Variants in DBH observed in about 807,000 individuals in gnomAD.
The protein encoded by DBH is dopamine beta-hydroxylase, also known as dopamine beta-hydroxylase (dopamine beta-monooxygenase).
A neutral mutation model predicts 64.0 loss-of-function variants in DBH; 49 were observed. The observed-to-expected ratio is 0.77, with a 90% CI of 0.61 to 0.97. The LOEUF (loss-of-function observed/expected upper bound fraction) is 0.97, where lower values mean the gene tolerates loss of function less well. DBH is among the 50% of genes least tolerant of loss of function. DBH has a pLI of 0.00. For synonymous variants in DBH, 343 were observed against 347.1 expected (o/e 0.99, Z 0.13); for missense variants, 828 against 826.6 (o/e 1.00, Z -0.02).
At position 133,647,949 on chromosome 9, in the gene DBH, C is replaced by T. The variant is rs763415382; in HGVS notation, c.1128C>T (p.Ala376=). The change falls in exon 6 of 12, where the codon GCC becomes GCT. Residue 376 remains alanine, a synonymous_variant. Transcript: ENST00000393056. Reference sequence around the variant, plus strand: ...GACTGGTGTACACGCCAGTGATGGCCATTCCACCACGGGAGACCGCCTTCA... The same window carrying T: ...GACTGGTGTACACGCCAGTGATGGCTATTCCACCACGGGAGACCGCCTTCA... ...ELGLVYTPVM[A]IPPRETAFIL... The T allele has an allele frequency of 6.2e-7, 1 of 1,614,080 alleles. No individual in the cohort carries two copies. Among genetic ancestry groups the T allele is most frequent in the East Asian group, 2.2e-5 (1 of 44,884 alleles).
intron 9 of DBH, among the ~76,000 whole-genome samples, chr9:133,653,674 G>A (rs1443506119): frequency 6.6e-6 from 1 of 152,128 alleles, no homozygotes; most frequent in African/African-American, 2.4e-5. Context: ...AGCGTCAGCT[G>A]AGGATGCATT....
At chr9:133,651,600 C>T in intron 6 of DBH, 34 bp from the exon 7 acceptor site, 1 of 1,612,176 alleles carries the variant, frequency 6.2e-7, no homozygotes, top group Non-Finnish European at 8.5e-7. Context: ...CCTCGGGGGT[C>T]AGGCCCTGAC....
intron 1 of DBH, among the ~76,000 whole-genome samples, chr9:133,639,413 G>A (rs1402970231): frequency 1.3e-5 from 2 of 152,006 alleles, no homozygotes; most frequent in African/African-American, 4.8e-5. Flanking sequence ...CCTTTCTGAG[G>A]CTCCGCAACT....
At chr9:133,638,228 G>A (rs1832075305) in intron 1 of DBH, among the ~76,000 whole-genome samples, 1 of 152,208 alleles carries the variant, frequency 6.6e-6, no homozygotes, top group South Asian at 2.1e-4. Context: ...ATATCTTCTT[G>A]ATTTCCAGCT....
chr9:133,643,568 C>T lies in DBH; in HGVS notation c.900C>T (p.Ala300=), dbSNP rs1306596797. The part of the protein sequence containing the change: ...DRLNYCRHVL[A]AWALGAKAFY... The stretch of plus-strand genomic sequence containing the variant: ...TCAACTACTGCCGCCACGTGCTGGC[C>T]GCCTGGGCCCTGGGTGCCAAGGTGC... Residue 300 remains alanine (A), a synonymous_variant, in exon 4 of 12, where the codon GCC becomes GCT. Transcript: ENST00000393056. This position sits in a 1 kb window ranked among gnomAD's most constrained non-coding sequence, Gnocchi z 5.3. The T allele has an allele frequency of 1.5e-5, 24 of 1,613,324 alleles. No individual in the cohort carries two copies. The highest frequency in any genetic ancestry group is 4.5e-5 in the East Asian group (2 of 44,844).
chr9:133,641,046 T>G (rs1313157871), intron 2 of DBH, among the ~76,000 whole-genome samples: 2 of 151,984 alleles, frequency 1.3e-5, no homozygotes, highest in African/African-American at 2.4e-5. Flanking sequence ...TGGCTAAGGA[T>G]ATGGGCTTGG....
intron 5 of DBH, 134 bp downstream of exon 5, chr9:133,644,454 G>C (rs1173435191): frequency 1.3e-6 from 1 of 768,110 alleles, no homozygotes; most frequent in Non-Finnish European, 2.3e-6. Context: ...AGGCCCTTGC[G>C]TCTGCCTCAT....
At chr9:133,639,409 T>A (rs1330659158) in intron 1 of DBH, among the ~76,000 whole-genome samples, 1 of 152,140 alleles carries the variant, frequency 6.6e-6, no homozygotes, top group Non-Finnish European at 1.5e-5. Context: ...CTCCCCTTTC[T>A]GAGGCTCCGC....
Position 133,643,207 on chromosome 9 carries a change from T to C in DBH, c.745-206T>C, listed in dbSNP as rs1832138245. Among the ~76,000 whole-genome samples the C allele has an allele frequency of 7.0e-6, 1 of 143,856 alleles. No homozygotes were observed. The highest frequency in any genetic ancestry group is 2.6e-5 in the African/African-American group (1 of 38,710). The allele number at this position is 143,856 out of a possible 152,430, so 94.4% of individuals were successfully genotyped here. ...CTGCCTTGGCCTGTACGAACCTCAT[T>C]TCCTTCACTCTGGAGCTGCCTACGG... is the stretch of plus-strand genomic sequence containing the variant. On this transcript the variant is annotated intron_variant, in intron 3 of 11. Coordinates refer to ENST00000393056, the MANE Select transcript of DBH (RefSeq NM_000787.4). This position sits in a 1 kb window ranked among gnomAD's most constrained non-coding sequence, Gnocchi z 5.3.
At chr9:133,640,335 G>T (rs1206965322) in intron 2 of DBH, among the ~76,000 whole-genome samples, 2 of 152,218 alleles carry the variant, frequency 1.3e-5, no homozygotes, top group East Asian at 1.9e-4. Flanking sequence ...TTAACCATCA[G>T]GTGGGATTCT....
intron 9 of DBH, among the ~76,000 whole-genome samples, chr9:133,654,072 G>C (rs1427654346): frequency 6.6e-6 from 1 of 151,960 alleles, no homozygotes; most frequent in South Asian, 2.1e-4. Flanking sequence ...TTCACCTGAT[G>C]TTTACTGAGC....
chr9:133,638,621 G>A (rs980990108), intron 1 of DBH, among the ~76,000 whole-genome samples: 3 of 152,164 alleles, frequency 2.0e-5, no homozygotes, highest in African/African-American at 4.8e-5. Flanking sequence ...TGGGGTGTGA[G>A]AGTCAGGTGG....
At position 133,651,463 on chromosome 9, in the gene DBH, G is replaced by A. The variant is rs551670979; in HGVS notation, c.1192-171G>A. On this transcript the variant is annotated intron_variant, in intron 6 of 11. Coordinates refer to ENST00000393056, the MANE Select transcript of DBH (RefSeq NM_000787.4). ...TGTTGCGGCCCCCTCGCTCTTCCCC[G>A]TGAGGTTTCTGATGGTGGCTCTAAC... 3.9e-5 allele frequency among the ~76,000 whole-genome samples: 6 copies of A among 152,352 alleles called. No homozygotes were observed. In the East Asian group the frequency reaches 9.7e-4, roughly 25 times the overall value.
intron 5 of DBH, among the ~76,000 whole-genome samples, chr9:133,646,322 CCCGCCATGT>C (rs11278217): frequency 0.55 from 83,217 of 151,092 alleles, 23,931 homozygotes; most frequent in African/African-American, 0.66. Flanking sequence ...TCCAGACCAC[CCCGCCATGT>C]CCGCCATGTC....
In DBH at chr9:133,657,435, A is replaced by AG; in HGVS notation, c.1722+207dup. ...AGAGAGGAGAGAGAGGAGAGAGAGG[A>AG]GAGAGAGGAGAGAGAGGAGAGAGGG... On this transcript the variant is annotated intron_variant, in intron 11 of 11. Transcript: ENST00000393056. 9 of 383,398 alleles carry AG rather than the reference A, an allele frequency of 2.3e-5. 2 individuals are homozygous for AG. Among genetic ancestry groups the AG allele is most frequent in the South Asian group, 4.9e-5 (2 of 40,476 alleles). The allele number at this position is 383,398 out of a possible 1,614,324, so 23.7% of individuals were successfully genotyped here.
At chr9:133,641,769 T>G (rs1454261220) in intron 2 of DBH, among the ~76,000 whole-genome samples, 7 of 152,162 alleles carry the variant, frequency 4.6e-5, no homozygotes. Context: ...AGCGTGACCA[T>G]CAGCAAGCCC....
chr9:133,637,892 GAC>G (rs1329634589), intron 1 of DBH, among the ~76,000 whole-genome samples: 1 of 152,202 alleles, frequency 6.6e-6, no homozygotes, highest in Non-Finnish European at 1.5e-5. Context: ...TGTGCACAAA[GAC>G]ACTCTGTGGC....
chr9:133,657,517 AGG>A (rs1832350630), intron 11 of DBH, among the ~76,000 whole-genome samples: 2 of 150,062 alleles, frequency 1.3e-5, no homozygotes, highest in African/African-American at 2.5e-5. Context: ...AGAGAGAGAG[AGG>A]GAGAGAGAGA....
In DBH at chr9:133,652,919, G is replaced by T. The variant is rs1219502105; in HGVS notation, c.1375-21G>T. On this transcript the variant is annotated intron_variant, in intron 8 of 11. Coordinates refer to ENST00000393056, the MANE Select transcript of DBH (RefSeq NM_000787.4). ...CAACGCCAGGTGGCAGGTGCTGATG[G>T]TCACATTGGCTTTTCCTCAGGGAGA... The T allele has an allele frequency of 2.5e-6, 4 of 1,609,510 alleles. No individual in the cohort carries two copies. In the Admixed American group the frequency reaches 5.0e-5, roughly 20 times the overall value.
Sources: allele counts gnomAD v4.1 joint callset (sites outside exome capture counted in the v4.1 genomes callset), GRCh38; gene constraint gnomAD v4.1.1; non-coding constraint Gnocchi (gnomAD v3.1); transcripts MANE v1.5; gene names NCBI Gene and HGNC (gene_info 2026-07-23, HGNC 2026-07-21).